Variants in C1orf226 observed in about 807,000 individuals in gnomAD.
C1orf226 encodes chromosome 1 open reading frame 226.
C1orf226 carries 4 observed loss-of-function variants against 10.5 expected under a neutral mutation model. The ratio of observed to expected loss-of-function variants is 0.38; its 90% CI spans 0.19 to 0.87. C1orf226 has a LOEUF of 0.87. Ranked by LOEUF, C1orf226 falls within the 40% of genes least tolerant of loss-of-function variation. C1orf226 has a pLI of 0.41. For synonymous variants in C1orf226, 125 were observed against 139.3 expected (o/e 0.90, Z 0.72); for missense variants, 313 against 336.2 (o/e 0.93, Z 0.54).
In C1orf226 at chr1:162,382,008, G is replaced by C; in HGVS notation, c.107G>C (p.Gly36Ala). ...VAPGSAPLGS[G>A]EPGGPGLWVG... ...CCCGGCTCTGCCCCTCTGGGCTCTG[G>C]TGAGCCTGGGGGGCCAGGACTCTGG... Residue 36 changes from glycine to alanine, a missense_variant, in exon 1 of 2, where the codon GGT (glycine) becomes GCT (alanine). Coordinates refer to ENST00000458626, the MANE Select transcript of C1orf226 (RefSeq NM_001085375.2). The C allele has an allele frequency of 6.2e-7, 1 of 1,612,472 alleles. No individual in the cohort carries two copies. Among genetic ancestry groups the C allele is most frequent in the South Asian group, 1.1e-5 (1 of 90,988 alleles).
At chr1:162,380,860 T>C (rs1370437706), upstream of C1orf226, among the ~76,000 whole-genome samples, 1 of 152,214 alleles carries the variant, frequency 6.6e-6, no homozygotes, top group African/African-American at 2.4e-5. Context: ...AAGATCTGTA[T>C]TGAGCACAGC....
At position 162,386,587 on chromosome 1, in the gene C1orf226, A is replaced by C. The variant is rs1648114407; in HGVS notation, c.*2904A>C. 6.6e-6 allele frequency: 1 copy of C among 152,240 alleles called. No homozygotes were observed. The highest frequency in any genetic ancestry group is 2.1e-4 in the South Asian group (1 of 4,828). The allele number at this position is 152,240 out of a possible 1,614,324, so 9.4% of individuals were successfully genotyped here. Reference sequence around the variant, plus strand: ...CCAGAACCTGGCAGGAGGCTGGTGTATCCCCCTGCACAGAGGGAAGTGTAT... The same window carrying C: ...CCAGAACCTGGCAGGAGGCTGGTGTCTCCCCCTGCACAGAGGGAAGTGTAT... On this transcript the variant is annotated 3_prime_UTR_variant, in exon 2 of 2. Coordinates refer to ENST00000458626, the MANE Select transcript of C1orf226 (RefSeq NM_001085375.2).
chr1:162,381,355 G>C (rs928582612), upstream of C1orf226, among the ~76,000 whole-genome samples: 1 of 152,232 alleles, frequency 6.6e-6, no homozygotes, highest in East Asian at 1.9e-4. Context: ...TGGCCCACTC[G>C]CTCAAGGCCC....
chr1:162,381,918 A>G lies in C1orf226; in HGVS notation c.17A>G (p.Asn6Ser), dbSNP rs368617073. Residue 6 changes from asparagine to serine, a missense_variant, in exon 1 of 2, where the codon AAC becomes AGC. Physicochemically the swap from Asn to Ser is conservative, Grantham distance 46. Transcript: ENST00000458626. MFENL[N>S]TALTPKLQAS... ...GACCACGGCATGTTTGAGAATTTGA[A>G]CACAGCCCTCACTCCAAAGCTCCAG... The G allele has an allele frequency of 4.3e-5, 69 of 1,612,684 alleles. No individual in the cohort carries two copies. The African/African-American group carries it at 9.1e-4, about 21-fold the overall frequency.
chr1:162,380,167 A>T (rs1012618280), upstream of C1orf226, among the ~76,000 whole-genome samples: 7 of 152,190 alleles, frequency 4.6e-5, no homozygotes, highest in Admixed American at 3.3e-4. Flanking sequence ...AGCGGGCTGG[A>T]AGCTTCTGCT....
At chr1:162,382,972 A>G (rs1381496751) in intron 1 of C1orf226, among the ~76,000 whole-genome samples, 3 of 152,194 alleles carry the variant, frequency 2.0e-5, no homozygotes, top group Non-Finnish European at 4.4e-5. Context: ...TGCTCTGAAC[A>G]CTGAGTAAGC....
In C1orf226 at chr1:162,384,991, G is replaced by A. The variant is rs958107668; in HGVS notation, c.*1308G>A. 2 of 152,702 alleles carry A rather than the reference G, an allele frequency of 1.3e-5. No individual in the cohort carries two copies. Among genetic ancestry groups the A allele is most frequent in the Non-Finnish European group, 2.9e-5 (2 of 68,134 alleles). 9.5% of individuals were successfully genotyped at this position (152,702 alleles called of 1,614,324 possible). On this transcript the variant is annotated 3_prime_UTR_variant, in exon 2 of 2. Coordinates refer to ENST00000458626, the MANE Select transcript of C1orf226 (RefSeq NM_001085375.2). ...AACCCACTTTTAGGTCTCCCACCAG[G>A]GGCCTATTGTGCTGTCTTCCTGTGA...
rs781446416 is a variant in C1orf226 at position 162,381,991 on chromosome 1, T to G, written c.90T>G (p.Ser30=). ...PHLSKPVAPG[S]APLGSGEPGG... ...TGTCCAAGCCCGTGGCCCCCGGCTC[T>G]GCCCCTCTGGGCTCTGGTGAGCCTG... The change falls in exon 1 of 2, where the codon TCT becomes TCG. Residue 30 remains serine, a synonymous_variant. Coordinates refer to ENST00000458626, the MANE Select transcript of C1orf226 (RefSeq NM_001085375.2). 6.2e-7 allele frequency: 1 copy of G among 1,612,808 alleles called. No homozygotes were observed.
rs201456337 is a variant in C1orf226, at chr1:162,382,164, C to G, written c.263C>G (p.Ala88Gly). ...GVTEINKTAG[A>G]QLASGTDAAP... ...ACAGAGATCAACAAGACTGCAGGAGCACAGCTGGCCAGTGGGACTGACGCG... is the reference window on the plus strand; with the variant it reads ...ACAGAGATCAACAAGACTGCAGGAGGACAGCTGGCCAGTGGGACTGACGCG... Residue 88 changes from alanine to glycine, a missense_variant, in exon 1 of 2, where the codon GCA becomes GGA. Physicochemically the swap from Ala to Gly is moderately conservative, Grantham distance 60. Coordinates refer to ENST00000458626, the MANE Select transcript of C1orf226 (RefSeq NM_001085375.2). The G allele has an allele frequency of 3.5e-5, 55 of 1,588,954 alleles. No individual in the cohort carries two copies. The highest frequency in any genetic ancestry group is 4.5e-5 in the Non-Finnish European group (52 of 1,167,802).
At position 162,381,742 on chromosome 1, in the gene C1orf226, A is replaced by T. The variant is rs910372617; in HGVS notation, c.-160A>T. The stretch of plus-strand genomic sequence containing the variant: ...TCAAGAAAACTACACTGGAAAGTTC[A>T]AGAGTGTCTTTGCTGGCTCTTTCTT... On this transcript the variant is annotated 5_prime_UTR_variant, in exon 1 of 2. Coordinates refer to ENST00000458626, the MANE Select transcript of C1orf226 (RefSeq NM_001085375.2). 4.1e-6 allele frequency: 6 copies of T among 1,459,792 alleles called. No homozygotes were observed. Among genetic ancestry groups the T allele is most frequent in the Non-Finnish European group, 5.4e-6 (6 of 1,110,600 alleles). 90.4% of individuals were successfully genotyped at this position (1,459,792 alleles called of 1,614,324 possible).
rs1470423869 is a variant in C1orf226 at position 162,385,651 on chromosome 1, G to A, written c.*1968G>A. The A allele has an allele frequency of 6.6e-6, 1 of 152,234 alleles. No individual in the cohort carries two copies. The highest frequency in any genetic ancestry group is 1.5e-5 in the Non-Finnish European group (1 of 68,062). 9.4% of individuals were successfully genotyped at this position (152,234 alleles called of 1,614,324 possible). A position where few individuals can be genotyped will look rare whatever the true frequency, so the allele number is the denominator to read the frequency against. ...AGGACTAGCATTCGGGGTCCTTTGA[G>A]TGTTCCCAGAATGGTTTGGGGTATC... On this transcript the variant is annotated 3_prime_UTR_variant, in exon 2 of 2. Transcript: ENST00000458626.
Position 162,383,536 on chromosome 1 carries a change from C to G in C1orf226, c.672C>G (p.Pro224=), listed in dbSNP as rs376932252. The G allele has an allele frequency of 1.4e-5, 23 of 1,606,024 alleles. No homozygotes were observed. The African/African-American group carries it at 2.7e-4, about 19-fold the overall frequency. ...KMTECRRASS[P]SLIERNGFKL... is the part of the protein sequence containing the mutation. ...CTGAGTGCAGAAGGGCCTCCTCCCCCAGCCTTATCGAGAGGAATGGCTTCA... is the reference window on the plus strand; with the variant it reads ...CTGAGTGCAGAAGGGCCTCCTCCCCGAGCCTTATCGAGAGGAATGGCTTCA... Residue 224 remains proline (P), a synonymous_variant, in exon 2 of 2, where the codon CCC becomes CCG. Coordinates refer to ENST00000458626, the MANE Select transcript of C1orf226 (RefSeq NM_001085375.2).
chr1:162,382,344 G>A, intron 1 of C1orf226, 126 bp downstream of exon 1: 1 of 1,249,780 alleles, frequency 8.0e-7, no homozygotes, highest in Non-Finnish European at 1.1e-6. Context: ...GTCCTGTACT[G>A]AAAAGCTGCA....
chr1:162,384,359 G>A lies in C1orf226; in HGVS notation c.*676G>A, dbSNP rs952453771. The A allele has an allele frequency of 6.6e-6, 1 of 152,344 alleles. No homozygotes were observed. Among genetic ancestry groups the A allele is most frequent in the African/African-American group, 2.4e-5 (1 of 41,456 alleles). 9.4% of individuals were successfully genotyped at this position (152,344 alleles called of 1,614,324 possible). On this transcript the variant is annotated 3_prime_UTR_variant, in exon 2 of 2. Transcript: ENST00000458626. ...GACCTTGAGAGTTCACCCAGGGTTT[G>A]AACGCTGCCACCCAGGGTTCCCAAG... is the stretch of plus-strand genomic sequence containing the variant.
Position 162,382,234 on chromosome 1 carries a change from G to C in C1orf226, c.317+16G>C. ...AGGATGAAAGGTGAGCCCCTCACCC[G>C]CCCAACATCCATGCCCCTCTGTGGA... On this transcript the variant is annotated intron_variant, in intron 1 of 1. Transcript: ENST00000458626. 6.5e-7 allele frequency: 1 copy of C among 1,550,376 alleles called. No homozygotes were observed.
At chr1:162,381,074 A>G (rs1175795152), upstream of C1orf226, among the ~76,000 whole-genome samples, 1 of 152,200 alleles carries the variant, frequency 6.6e-6, no homozygotes, top group African/African-American at 2.4e-5. Context: ...AAAGTTGTGG[A>G]CAGAGCCCTG....
chr1:162,382,560 A>G (rs1647953632), intron 1 of C1orf226, among the ~76,000 whole-genome samples: 1 of 152,214 alleles, frequency 6.6e-6, no homozygotes. Context: ...TCCATCCTGC[A>G]GATAACTCAC....
At chr1:162,379,686 CTA>C (rs1647848032), upstream of C1orf226, among the ~76,000 whole-genome samples, 1 of 152,088 alleles carries the variant, frequency 6.6e-6, no homozygotes, top group South Asian at 2.1e-4. Flanking sequence ...GCGTTATAGA[CTA>C]TGTTATGAAG....
In C1orf226 at chr1:162,384,762, G is replaced by C. The variant is rs888175997; in HGVS notation, c.*1079G>C. 22 of 152,910 alleles carry C rather than the reference G, an allele frequency of 1.4e-4. No homozygotes were observed. The highest frequency in any genetic ancestry group is 5.1e-4 in the African/African-American group (21 of 41,448). The allele number at this position is 152,910 out of a possible 1,614,324, so 9.5% of individuals were successfully genotyped here. A position where few individuals can be genotyped will look rare whatever the true frequency, so the allele number is the denominator to read the frequency against. ...AAGATTGGAATGTGAGAAGAACTGT[G>C]GGGGGAAACCAGTTTTAATTAAGTG... On this transcript the variant is annotated 3_prime_UTR_variant, in exon 2 of 2. Coordinates refer to ENST00000458626, the MANE Select transcript of C1orf226 (RefSeq NM_001085375.2).
Sources: gnomAD v4.1 joint callset for allele counts (sites outside exome capture counted in the v4.1 genomes callset) on GRCh38, gnomAD v4.1.1 for gene constraint, MANE v1.5 for transcripts, NCBI Gene and HGNC (gene_info 2026-07-23, HGNC 2026-07-21) for gene names.